Variants in STXBP5L observed in about 807,000 individuals in gnomAD.
STXBP5L encodes the protein syntaxin binding protein 5L.
STXBP5L carries 65 observed loss-of-function variants against 144.5 expected under a neutral mutation model. The ratio of observed to expected loss-of-function variants is 0.45; its 90% CI spans 0.37 to 0.55. STXBP5L has a LOEUF of 0.55. STXBP5L is among the 20% of genes least tolerant of loss of function. The pLI, the probability that STXBP5L is intolerant of heterozygous loss-of-function variation, is 0.00. For synonymous variants in STXBP5L, 505 were observed against 469.6 expected (o/e 1.08, Z -0.97); for missense variants, 1,298 against 1,405.5 (o/e 0.92, Z 1.22).
At chr3:121,241,768 G>A in intron 14 of STXBP5L, among the ~76,000 whole-genome samples, 1 of 152,106 alleles carries the variant, frequency 6.6e-6, no homozygotes, top group East Asian at 1.9e-4. Flanking sequence ...ATCAAATTTA[G>A]CAAAACAACA....
intron 23 of STXBP5L, among the ~76,000 whole-genome samples, chr3:121,409,092 GA>G (rs1354759450): frequency 9.9e-5 from 15 of 151,956 alleles, no homozygotes; most frequent in Admixed American, 9.9e-4. Flanking sequence ...AATATATGTG[GA>G]AGGTCCAGCT....
intron 5 of STXBP5L, among the ~76,000 whole-genome samples, chr3:121,057,236 T>G (rs1322658001): frequency 6.6e-6 from 1 of 151,980 alleles, no homozygotes; most frequent in African/African-American, 2.4e-5. Flanking sequence ...ACAGGCAAAA[T>G]TAATGCTACA....
At chr3:121,239,154 T>C (rs764224270) in intron 13 of STXBP5L, 36 bp downstream of exon 13, 8 of 1,228,802 alleles carry the variant, frequency 6.5e-6, no homozygotes, top group Non-Finnish European at 9.1e-6. Flanking sequence ...TTTTTTGTAT[T>C]CATATCACAT....
intron 5 of STXBP5L, among the ~76,000 whole-genome samples, chr3:121,067,202 CT>C (rs2041591127): frequency 6.6e-6 from 1 of 151,686 alleles, no homozygotes; most frequent in Non-Finnish European, 1.5e-5. Flanking sequence ...GGTTTACTGT[CT>C]TTTAACTAGA....
At chr3:121,195,703 C>A (rs755890245) in intron 9 of STXBP5L, among the ~76,000 whole-genome samples, 2 of 152,174 alleles carry the variant, frequency 1.3e-5, no homozygotes, top group Non-Finnish European at 2.9e-5. Flanking sequence ...CATCCAAGGA[C>A]GAAGTCAGTG....
chr3:121,131,077 A>G (rs1199709529), intron 7 of STXBP5L, among the ~76,000 whole-genome samples: 2 of 152,144 alleles, frequency 1.3e-5, no homozygotes, highest in Non-Finnish European at 2.9e-5. Flanking sequence ...AAGCTATGTT[A>G]TAAATTAATC....
chr3:121,408,925 C>A (rs939767154), intron 23 of STXBP5L, among the ~76,000 whole-genome samples: 1 of 151,564 alleles, frequency 6.6e-6, no homozygotes, highest in Non-Finnish European at 1.5e-5. Context: ...ACTTAGATAA[C>A]GGTTATGTTA....
intron 22 of STXBP5L, among the ~76,000 whole-genome samples, chr3:121,399,105 C>A (rs1451535019): frequency 1.3e-5 from 2 of 152,094 alleles, no homozygotes; most frequent in African/African-American, 2.4e-5. Context: ...TTTTAGCTGG[C>A]AAATAAGCCT....
intron 11 of STXBP5L, among the ~76,000 whole-genome samples, chr3:121,228,973 A>G (rs1297284209): frequency 1.3e-5 from 2 of 152,222 alleles, no homozygotes; most frequent in Non-Finnish European, 2.9e-5. Context: ...TTTAACATCA[A>G]AGTTTATTCT....
chr3:121,189,927 T>C (rs2701052), intron 9 of STXBP5L, among the ~76,000 whole-genome samples: 72,317 of 152,002 alleles, frequency 0.48, 17,767 homozygotes, highest in East Asian at 0.73. Context: ...TTATTCCTGT[T>C]CCTCTCTTTC....
At chr3:120,976,291 G>A (rs1283095387) in intron 3 of STXBP5L, among the ~76,000 whole-genome samples, 2 of 152,120 alleles carry the variant, frequency 1.3e-5, no homozygotes, top group Non-Finnish European at 2.9e-5. Flanking sequence ...ATGTGTCCAG[G>A]AATTTATCCA....
chr3:121,372,604 G>C (rs779203736), intron 20 of STXBP5L, among the ~76,000 whole-genome samples: 1 of 152,134 alleles, frequency 6.6e-6, no homozygotes, highest in Non-Finnish European at 1.5e-5. Flanking sequence ...GGAACAAGTC[G>C]TGGTGTGTGG....
At chr3:121,258,945 T>G (rs2050296508) in intron 17 of STXBP5L, 98 bp from the exon 18 acceptor site, 1 of 1,230,658 alleles carries the variant, frequency 8.1e-7, no homozygotes, top group East Asian at 2.8e-5. Flanking sequence ...ATGCCTGGTG[T>G]TGTATATTTC....
intron 20 of STXBP5L, among the ~76,000 whole-genome samples, chr3:121,362,394 C>T (rs2045737559): frequency 6.6e-6 from 1 of 152,218 alleles, no homozygotes; most frequent in Non-Finnish European, 1.5e-5. Context: ...CCCCTAGGTC[C>T]TGGGTAGGTC....
chr3:121,024,021 G>C (rs556314211), intron 3 of STXBP5L, among the ~76,000 whole-genome samples: 1 of 152,108 alleles, frequency 6.6e-6, no homozygotes, highest in Non-Finnish European at 1.5e-5. Flanking sequence ...GCCTCCCAAA[G>C]TGCTGGGATT....
intron 20 of STXBP5L, among the ~76,000 whole-genome samples, chr3:121,350,777 C>A (rs2108611213): frequency 6.6e-6 from 1 of 152,246 alleles, no homozygotes; most frequent in East Asian, 1.9e-4. Flanking sequence ...GTGCATTCAT[C>A]ACGTTGTTCT....
At chr3:120,945,136 T>G (rs902779451) in intron 2 of STXBP5L, among the ~76,000 whole-genome samples, 1 of 151,774 alleles carries the variant, frequency 6.6e-6, no homozygotes, top group African/African-American at 2.4e-5. Flanking sequence ...GCATAAATTT[T>G]GAGACAGTTT....
chr3:120,993,989 G>C (rs1943139031), intron 3 of STXBP5L, among the ~76,000 whole-genome samples: 1 of 151,916 alleles, frequency 6.6e-6, no homozygotes, highest in African/African-American at 2.4e-5. Flanking sequence ...GTGTTTTGTA[G>C]TTTTCCTTGG....
chr3:121,051,445 C>T (rs940900450), intron 5 of STXBP5L, among the ~76,000 whole-genome samples: 12 of 152,128 alleles, frequency 7.9e-5, no homozygotes, highest in African/African-American at 2.7e-4. Flanking sequence ...CTCAAAACCG[C>T]TCAACTACAT....
Sources: allele counts gnomAD v4.1 joint callset (sites outside exome capture counted in the v4.1 genomes callset), GRCh38; gene constraint gnomAD v4.1.1; transcripts MANE v1.5; gene names NCBI Gene and HGNC (gene_info 2026-07-23, HGNC 2026-07-21).